The following MCF2L2 variants were observed in gnomAD, a reference collection of about 807,000 sequenced individuals.
The protein encoded by MCF2L2 is probable guanine nucleotide exchange factor MCF2L2.
MCF2L2 carries 102 observed loss-of-function variants against 150.2 expected under a neutral mutation model. The ratio of observed to expected loss-of-function variants is 0.68; its 90% CI spans 0.58 to 0.80. The LOEUF (loss-of-function observed/expected upper bound fraction) is 0.80, where lower values mean the gene tolerates loss of function less well. Among genes scored for constraint, MCF2L2 ranks in the 30% least tolerant of loss-of-function variants. MCF2L2 has a pLI of 0.00. For missense variants in MCF2L2, 1,256 were observed against 1,372.8 expected (o/e 0.91, Z 1.34); for synonymous variants, 465 against 491.3 (o/e 0.95, Z 0.71).
chr3:183,219,432 G>A (rs763383744), intron 21 of MCF2L2, among the ~76,000 whole-genome samples: 52 of 152,150 alleles, frequency 3.4e-4, no homozygotes, highest in Middle Eastern at 3.4e-3. Flanking sequence ...CCAACATGGC[G>A]AAACCCCGTC....
At chr3:183,198,736 C>T (rs1346673430) in intron 25 of MCF2L2, among the ~76,000 whole-genome samples, 3 of 152,116 alleles carry the variant, frequency 2.0e-5, no homozygotes, top group African/African-American at 7.2e-5. Flanking sequence ...TGTAGCAAGC[C>T]CTTCAAATAA....
At chr3:183,292,602 CGTAT>C (rs1301888289) in intron 13 of MCF2L2, among the ~76,000 whole-genome samples, 1 of 151,704 alleles carries the variant, frequency 6.6e-6, no homozygotes, top group Non-Finnish European at 1.5e-5. Context: ...CACACACACA[CGTAT>C]GTATTTCTCT....
intron 1 of MCF2L2, among the ~76,000 whole-genome samples, chr3:183,418,883 T>C (rs4859185): frequency 0.15 from 23,220 of 152,182 alleles, 1,953 homozygotes; most frequent in South Asian, 0.21. Context: ...GGATCTGTCA[T>C]TGTGGGGTCT....
chr3:183,416,529 T>C (rs1248860027), intron 1 of MCF2L2, among the ~76,000 whole-genome samples: 1 of 152,206 alleles, frequency 6.6e-6, no homozygotes, highest in Admixed American at 6.5e-5. Context: ...AAAGCCATCA[T>C]AGGTCAAAAT....
At chr3:183,310,539 T>C in intron 9 of MCF2L2, 3 of 279,576 alleles carry the variant, frequency 1.1e-5, no homozygotes, top group Admixed American at 5.0e-5. Context: ...GGGGCATGCC[T>C]GTAATTCCAG....
At chr3:183,299,937 C>G (rs942852507) in intron 11 of MCF2L2, 68 bp downstream of exon 11, 4 of 1,522,424 alleles carry the variant, frequency 2.6e-6, no homozygotes, top group Non-Finnish European at 3.6e-6. Flanking sequence ...GAAGGGAGGA[C>G]GAGTATGATG....
At chr3:183,238,316 G>C (rs1560359819) in intron 15 of MCF2L2, among the ~76,000 whole-genome samples, 2 of 148,376 alleles carry the variant, frequency 1.3e-5, no homozygotes, top group South Asian at 4.3e-4. Context: ...TTTGTTTTGA[G>C]ACGGAGTCTT....
At chr3:183,344,958 C>T (rs189290683) in intron 3 of MCF2L2, among the ~76,000 whole-genome samples, 379 of 152,250 alleles carry the variant, frequency 2.5e-3, no homozygotes, top group Middle Eastern at 0.01. Context: ...GAGACTTAGA[C>T]TCCCACGCAA....
At chr3:183,223,177 C>T (rs1723205925) in intron 20 of MCF2L2, among the ~76,000 whole-genome samples, 169 bp downstream of exon 20, 1 of 152,148 alleles carries the variant, frequency 6.6e-6, no homozygotes, top group South Asian at 2.1e-4. Flanking sequence ...GGTCTTACTC[C>T]ACATTGAAGA....
intron 2 of MCF2L2, among the ~76,000 whole-genome samples, chr3:183,380,441 G>A (rs1310940301): frequency 2.0e-5 from 3 of 152,186 alleles, no homozygotes; most frequent in East Asian, 3.9e-4. Flanking sequence ...TCGCACTGTC[G>A]CCCAGGCTAG....
At chr3:183,218,559 C>T (rs1254472598) in intron 21 of MCF2L2, among the ~76,000 whole-genome samples, 1 of 152,070 alleles carries the variant, frequency 6.6e-6, no homozygotes, top group Non-Finnish European at 1.5e-5. Context: ...AGCTTGAACC[C>T]GGGAGGCGGA....
chr3:183,360,554 G>A (rs1177281193), intron 3 of MCF2L2, among the ~76,000 whole-genome samples: 1 of 151,324 alleles, frequency 6.6e-6, no homozygotes, highest in African/African-American at 2.4e-5. Context: ...CTGGGTGACA[G>A]AATGAGAACC....
chr3:183,180,181 A>AT (rs1363408929), intron 27 of MCF2L2, 22 bp from the exon 28 acceptor site: 2 of 1,529,014 alleles, frequency 1.3e-6, no homozygotes, highest in Middle Eastern at 4.0e-4. Context: ...AAAGGGAAGG[A>AT]TGGGGCCTCT....
At chr3:183,315,190 C>G (rs371356647) in intron 7 of MCF2L2, among the ~76,000 whole-genome samples, 2 of 151,056 alleles carry the variant, frequency 1.3e-5, no homozygotes, top group Non-Finnish European at 3.0e-5. Flanking sequence ...ACCCCCGCCT[C>G]GGCCTCCCAA....
At chr3:183,204,860 A>C (rs543686292) in intron 25 of MCF2L2, among the ~76,000 whole-genome samples, 1 of 152,324 alleles carries the variant, frequency 6.6e-6, no homozygotes, top group Non-Finnish European at 1.5e-5. Context: ...TACAACATAA[A>C]TGAAACTTAA....
chr3:183,377,997 T>C lies in MCF2L2; in HGVS notation c.275+1300A>G, dbSNP rs147688250. ...CATTCAAAATAAATCCATAACCTTC[T>C]CTGAAGAAATAAGATGGGCAAAAGA... On this transcript the variant is annotated intron_variant, in intron 3 of 29. Transcript: ENST00000328913. 4.8e-3 allele frequency: 727 copies of C among 152,302 alleles called. 4 individuals are homozygous for C. Among genetic ancestry groups the C allele is most frequent in the African/African-American group, 0.017 (705 of 41,554 alleles). The allele number at this position is 152,302 out of a possible 1,614,324, so 9.4% of individuals were successfully genotyped here. A position where few individuals can be genotyped will look rare whatever the true frequency, so the allele number is the denominator to read the frequency against.
At chr3:183,356,964 A>G (rs1261953637) in intron 3 of MCF2L2, among the ~76,000 whole-genome samples, 3 of 152,260 alleles carry the variant, frequency 2.0e-5, no homozygotes, top group South Asian at 2.1e-4. Context: ...GAAATTAAAC[A>G]TATGATGCTA....
intron 2 of MCF2L2, among the ~76,000 whole-genome samples, chr3:183,387,193 AG>A (rs1195056747): frequency 6.6e-6 from 1 of 150,804 alleles, no homozygotes; most frequent in Non-Finnish European, 1.5e-5. Context: ...TGAGCCTGGG[AG>A]GTCAAGGCTG....
chr3:183,256,476 T>G (rs1312769714), intron 15 of MCF2L2, among the ~76,000 whole-genome samples: 1 of 152,226 alleles, frequency 6.6e-6, no homozygotes, highest in Non-Finnish European at 1.5e-5. Context: ...TAGAAACATT[T>G]TAATTCTACA....
Sources: gnomAD v4.1 joint callset for allele counts (sites outside exome capture counted in the v4.1 genomes callset) on GRCh38, gnomAD v4.1.1 for gene constraint, MANE v1.5 for transcripts, NCBI Gene and HGNC (gene_info 2026-07-23, HGNC 2026-07-21) for gene names.